Variants in AGBL1 observed in about 807,000 individuals in gnomAD.
AGBL1 encodes the protein cytosolic carboxypeptidase 4.
In AGBL1, 130 loss-of-function variants were observed where a neutral mutation model predicts 118.9. That is an observed-to-expected ratio of 1.09 (90% CI 0.95 to 1.26). The LOEUF (loss-of-function observed/expected upper bound fraction) is 1.26. Ranked by LOEUF, AGBL1 falls within the 50% of genes most tolerant of loss-of-function variation. AGBL1 has a pLI of 0.00. For synonymous variants in AGBL1, 555 were observed against 478.9 expected (o/e 1.16, Z -2.08); for missense variants, 1,584 against 1,298.1 (o/e 1.22, Z -3.38).
Position 86,256,804 on chromosome 15 carries a change from G to A in AGBL1, c.736-49G>A, listed in dbSNP as rs1316436781. ...GTGTTATTAGCTGTGTTACAGCTAGGGGACTGTGCCCAGATGTTGGCATCT... is the reference window on the plus strand; with the variant it reads ...GTGTTATTAGCTGTGTTACAGCTAGAGGACTGTGCCCAGATGTTGGCATCT... On this transcript the variant is annotated intron_variant, in intron 7 of 22. Coordinates refer to ENST00000614907, the MANE Select transcript of AGBL1 (RefSeq NM_001386094.1). 3 of 1,597,676 alleles carry A rather than the reference G, an allele frequency of 1.9e-6. No individual in the cohort carries two copies. In the African/African-American group the frequency reaches 4.0e-5, roughly 21 times the overall value.
intron 21 of AGBL1, among the ~76,000 whole-genome samples, chr15:86,574,570 ATTTT>A (rs776642678): frequency 8.4e-5 from 7 of 83,756 alleles, no homozygotes; most frequent in South Asian, 9.3e-4. Context: ...AAAAGTTTTA[ATTTT>A]TTTTTTTTTT....
At chr15:86,214,549 G>A (rs1458712220) in intron 5 of AGBL1, among the ~76,000 whole-genome samples, 1 of 152,232 alleles carries the variant, frequency 6.6e-6, no homozygotes, top group Non-Finnish European at 1.5e-5. Context: ...TTTGCCTTAA[G>A]TGCTAACTTG....
At chr15:86,379,808 C>T (rs1399607302) in intron 17 of AGBL1, among the ~76,000 whole-genome samples, 1 of 152,168 alleles carries the variant, frequency 6.6e-6, no homozygotes, top group African/African-American at 2.4e-5. Context: ...TACAGAGTTT[C>T]AGAGCTGGTT....
chr15:86,690,298 A>G (rs1465971295), intron 22 of AGBL1, among the ~76,000 whole-genome samples: 1 of 152,174 alleles, frequency 6.6e-6, no homozygotes, highest in Non-Finnish European at 1.5e-5. Flanking sequence ...CCCAAGATAG[A>G]ATGAACTCTT....
At chr15:87,024,601 A>T (rs1266418048) in intron 24 of AGBL1, among the ~76,000 whole-genome samples, 1 of 152,026 alleles carries the variant, frequency 6.6e-6, no homozygotes, top group Non-Finnish European at 1.5e-5. Context: ...ACTATTTCCC[A>T]AGATGGAGAA....
chr15:86,981,531 C>T (rs564752691), intron 23 of AGBL1, among the ~76,000 whole-genome samples: 3 of 152,272 alleles, frequency 2.0e-5, no homozygotes, highest in Admixed American at 2.0e-4. Flanking sequence ...GTCCATGTAT[C>T]TCCTTGGTTT....
intron 21 of AGBL1, among the ~76,000 whole-genome samples, chr15:86,622,271 A>G (rs1462882975): frequency 6.7e-6 from 1 of 149,834 alleles, no homozygotes; most frequent in African/African-American, 2.5e-5. Flanking sequence ...CGGAGGTTGC[A>G]GTGAGCTGAG....
At chr15:86,235,765 G>C (rs1242420719) in intron 6 of AGBL1, among the ~76,000 whole-genome samples, 3 of 152,216 alleles carry the variant, frequency 2.0e-5, no homozygotes, top group African/African-American at 7.2e-5. Flanking sequence ...CAACATGAGT[G>C]ACTTTGCCCC....
intron 24 of AGBL1, among the ~76,000 whole-genome samples, chr15:87,007,523 A>G (rs2081517204): frequency 1.3e-5 from 2 of 152,144 alleles, no homozygotes; most frequent in South Asian, 2.1e-4. Flanking sequence ...TCTTGATACA[A>G]ATATATTGCT....
intron 19 of AGBL1, among the ~76,000 whole-genome samples, chr15:86,524,516 C>T (rs1400308928): frequency 2.6e-5 from 4 of 152,316 alleles, no homozygotes; most frequent in African/African-American, 9.6e-5. Flanking sequence ...CAGGAAACCT[C>T]ACTTAGCTCT....
rs181781670 is a variant in AGBL1 at position 86,572,428 on chromosome 15, A to G, written c.2994+17891A>G. Among the ~76,000 whole-genome samples the G allele has an allele frequency of 1.8e-4, 27 of 152,182 alleles. No individual in the cohort carries two copies. The East Asian group carries it at 3.9e-3, about 22-fold the overall frequency. On this transcript the variant is annotated intron_variant, in intron 21 of 22. Coordinates refer to ENST00000614907, the MANE Select transcript of AGBL1 (RefSeq NM_001386094.1). ...CCCCCTCTGAGAGTTCCTCTGTACC[A>G]TACCGTGCTGCTCTCCTGACGGCTG...
chr15:86,472,340 C>T (rs914734172), intron 18 of AGBL1, among the ~76,000 whole-genome samples: 2 of 152,122 alleles, frequency 1.3e-5, no homozygotes, highest in African/African-American at 2.4e-5. Flanking sequence ...TACTCCTTTG[C>T]TTCTATGGCC....
chr15:86,176,830 T>C (rs1006806311), intron 5 of AGBL1, among the ~76,000 whole-genome samples: 1 of 152,198 alleles, frequency 6.6e-6, no homozygotes, highest in South Asian at 2.1e-4. Context: ...CCATGAGGGC[T>C]GAGGGGCTCT....
At chr15:86,323,966 C>G (rs1190853267) in intron 17 of AGBL1, among the ~76,000 whole-genome samples, 2 of 152,096 alleles carry the variant, frequency 1.3e-5, no homozygotes, top group African/African-American at 4.8e-5. Context: ...GCTGTATATC[C>G]CAGAACCCCA....
chr15:86,864,958 T>C (rs2079605128), intron 22 of AGBL1, among the ~76,000 whole-genome samples: 1 of 152,198 alleles, frequency 6.6e-6, no homozygotes, highest in Non-Finnish European at 1.5e-5. Flanking sequence ...TAAAAAATCA[T>C]TACGTTTGTT....
chr15:86,512,555 CT>C lies in AGBL1; in HGVS notation c.2556-10250del, dbSNP rs576177015. Among the ~76,000 whole-genome samples, 67 of 151,748 alleles carry C rather than the reference CT, an allele frequency of 4.4e-4. 1 individual carries two copies. Among genetic ancestry groups the C allele is most frequent in the Admixed American group, 4.1e-3 (62 of 15,240 alleles). ...TATTACCTAGATTTCCAATGAGTTT[CT>C]TTTTCTTTAAAATCCATTAATATCA... is the stretch of plus-strand genomic sequence containing the variant. On this transcript the variant is annotated intron_variant, in intron 18 of 22. Coordinates refer to ENST00000614907, the MANE Select transcript of AGBL1 (RefSeq NM_001386094.1).
chr15:86,262,533 T>C (rs1350032797), intron 9 of AGBL1: 3 of 514,818 alleles, frequency 5.8e-6, no homozygotes, highest in Non-Finnish European at 1.1e-5. Context: ...TTATACAAAT[T>C]TTTATTTCTG....
chr15:86,395,114 G>A (rs2081343828), intron 17 of AGBL1, among the ~76,000 whole-genome samples: 1 of 152,092 alleles, frequency 6.6e-6, no homozygotes, highest in African/African-American at 2.4e-5. Context: ...GTGAGACACT[G>A]ACTCTATGGT....
chr15:86,395,130 A>G (rs1461003215), intron 17 of AGBL1, among the ~76,000 whole-genome samples: 1 of 152,130 alleles, frequency 6.6e-6, no homozygotes, highest in Non-Finnish European at 1.5e-5. Context: ...ATGGTTGAGA[A>G]TGTCTGATCT....
Sources: allele counts gnomAD v4.1 joint callset (sites outside exome capture counted in the v4.1 genomes callset), GRCh38; gene constraint gnomAD v4.1.1; transcripts MANE v1.5; gene names NCBI Gene and HGNC (gene_info 2026-07-23, HGNC 2026-07-21).